TBCD: variants seen among roughly 807,000 people sequenced by gnomAD.
TBCD encodes tubulin-specific chaperone D.
A neutral mutation model predicts 169.3 loss-of-function variants in TBCD; 105 were observed. The ratio of observed to expected loss-of-function variants is 0.62; its 90% CI spans 0.53 to 0.73. The LOEUF is 0.73. Among genes scored for constraint, TBCD ranks in the 30% least tolerant of loss-of-function variants. TBCD has a pLI of 0.00. For missense variants in TBCD, 1,444 were observed against 1,600.1 expected (o/e 0.90, Z 1.66); for synonymous variants, 700 against 643.9 (o/e 1.09, Z -1.32).
At chr17:82,764,114 G>T (rs1348071829) in intron 3 of TBCD, 52 bp downstream of exon 3, 1 of 1,380,524 alleles carries the variant, frequency 7.2e-7, no homozygotes, top group Non-Finnish European at 1.0e-6. Context: ...TAATATACTT[G>T]GTCCAGAGGT....
chr17:82,942,696 T>C lies in TBCD; in HGVS notation c.*233T>C, dbSNP rs1884088833. On this transcript the variant is annotated 3_prime_UTR_variant, in exon 39 of 39. Transcript: ENST00000355528. The stretch of plus-strand genomic sequence containing the variant: ...CAAATGTGCTTCCTATAAAATCATG[T>C]ACCAAGAAGTTCCTGCCTTTTGTCT... 1 of 605,262 alleles carries C rather than the reference T, an allele frequency of 1.7e-6. No individual in the cohort carries two copies. The highest frequency in any genetic ancestry group is 2.9e-6 in the Non-Finnish European group (1 of 340,844). 37.5% of individuals were successfully genotyped at this position (605,262 alleles called of 1,614,324 possible).
rs74000174 is a variant in TBCD, at chr17:82,890,219, C to T, written c.1563+522C>T. 0.028 allele frequency among the ~76,000 whole-genome samples: 4,225 copies of T among 152,250 alleles called. 206 individuals carry two copies. The highest frequency in any genetic ancestry group is 0.096 in the African/African-American group (3,977 of 41,504). On this transcript the variant is annotated intron_variant, in intron 16 of 38. Transcript: ENST00000355528. This position sits in a 1 kb window ranked among gnomAD's most constrained non-coding sequence, Gnocchi z 5.3. Reference sequence around the variant, plus strand: ...GTCAGCTTCGCCTGTGAATGGGGGGCCCCAGGTTACTCATGTTGTGTGTGA... The same window carrying T: ...GTCAGCTTCGCCTGTGAATGGGGGGTCCCAGGTTACTCATGTTGTGTGTGA...
intron 13 of TBCD, among the ~76,000 whole-genome samples, chr17:82,850,372 CCTG>C (rs2055662233): frequency 2.5e-5 from 2 of 80,396 alleles, no homozygotes; most frequent in South Asian, 4.2e-4. Context: ...TGTTGGCTGT[CCTG>C]TTGTTGGCTG....
In TBCD at chr17:82,840,952, TGG is replaced by T. The variant is rs1567869376; in HGVS notation, c.1318+26019_1318+26020del. Among the ~76,000 whole-genome samples the T allele has an allele frequency of 5.3e-4, 15 of 28,478 alleles. 2 individuals carry two copies. Among genetic ancestry groups the T allele is most frequent in the East Asian group, 1.4e-3 (1 of 740 alleles). 18.7% of individuals were successfully genotyped at this position (28,478 alleles called of 152,430 possible). Reference sequence around the variant, plus strand: ...GACGAGCTGGCCAGGACAGACAAACTGGTTTTTTTTTTTTTTTTTTTTTTTTT... The same window carrying T: ...GACGAGCTGGCCAGGACAGACAAACTTTTTTTTTTTTTTTTTTTTTTTTTT... On this transcript the variant is annotated intron_variant, in intron 13 of 38. Transcript: ENST00000355528.
chr17:82,814,156 G>T (rs1346757142), intron 12 of TBCD, among the ~76,000 whole-genome samples: 1 of 152,180 alleles, frequency 6.6e-6, no homozygotes, highest in Non-Finnish European at 1.5e-5. Flanking sequence ...ATCTTGAAAT[G>T]CCAATTCATT....
intron 13 of TBCD, 33 bp downstream of exon 13, chr17:82,814,967 C>G: frequency 6.2e-7 from 1 of 1,608,370 alleles, no homozygotes; most frequent in Non-Finnish European, 8.5e-7. Context: ...GGGGGGATGT[C>G]TGGCGCTGGC....
chr17:82,908,323 G>A, intron 21 of TBCD: 2 of 456,894 alleles, frequency 4.4e-6, no homozygotes, highest in South Asian at 1.5e-5. Flanking sequence ...GGGGTCTGAT[G>A]TCTCCTGAAA....
At chr17:82,872,260 G>T (rs1238900521) in intron 14 of TBCD, among the ~76,000 whole-genome samples, 3 of 152,230 alleles carry the variant, frequency 2.0e-5, no homozygotes, top group Non-Finnish European at 4.4e-5. Flanking sequence ...CGGCTGGAGG[G>T]TGCTGGTGCT....
intron 14 of TBCD, among the ~76,000 whole-genome samples, chr17:82,882,605 C>T (rs556028870): frequency 5.4e-4 from 83 of 152,306 alleles, no homozygotes; most frequent in Non-Finnish European, 7.8e-4. Context: ...GTGCTGTGAA[C>T]CTGGAGAGCA....
At chr17:82,902,283 C>G (rs1387203680) in intron 18 of TBCD, among the ~76,000 whole-genome samples, 1 of 152,184 alleles carries the variant, frequency 6.6e-6, no homozygotes, top group Non-Finnish European at 1.5e-5. Flanking sequence ...TGGTAGATCT[C>G]TGTTCCATAC....
chr17:82,917,366 A>G (rs988164552), intron 23 of TBCD, among the ~76,000 whole-genome samples: 5 of 152,110 alleles, frequency 3.3e-5, no homozygotes, highest in Admixed American at 2.0e-4. Context: ...CGTTAAACGC[A>G]TCCTTGAATT....
chr17:82,828,995 A>C (rs1421848177), intron 13 of TBCD, among the ~76,000 whole-genome samples: 2 of 104,336 alleles, frequency 1.9e-5, no homozygotes, highest in African/African-American at 3.7e-5. Context: ...ACCCACCCCC[A>C]CAATCACGTG....
chr17:82,912,562 C>T (rs1025330536), intron 23 of TBCD, among the ~76,000 whole-genome samples: 3 of 152,228 alleles, frequency 2.0e-5, no homozygotes, highest in African/African-American at 4.8e-5. Flanking sequence ...CTCAGCCCCT[C>T]GCTGTGGGAC....
chr17:82,755,646 A>T (rs1308755965), intron 1 of TBCD, among the ~76,000 whole-genome samples: 1 of 152,154 alleles, frequency 6.6e-6, no homozygotes, highest in East Asian at 1.9e-4. Flanking sequence ...CCTTAATATC[A>T]TGAGGCCTGA....
At chr17:82,811,291 C>CA (rs1351389515) in intron 12 of TBCD, among the ~76,000 whole-genome samples, 4 of 152,240 alleles carry the variant, frequency 2.6e-5, no homozygotes, top group African/African-American at 9.6e-5. Context: ...GCCTGCTCAT[C>CA]AGGCCTAGTG....
At position 82,833,313 on chromosome 17, in the gene TBCD, C is replaced by A. The variant is rs967775266; in HGVS notation, c.1318+18379C>A. On this transcript the variant is annotated intron_variant, in intron 13 of 38. Coordinates refer to ENST00000355528, the MANE Select transcript of TBCD (RefSeq NM_005993.5). This position sits in a 1 kb window ranked among gnomAD's most constrained non-coding sequence, Gnocchi z 4.7. ...CCAAGACCATGGATGCTGCTGCCTC[C>A]CCTGGGGCCGATCCCTAAGCACTCG... Among the ~76,000 whole-genome samples, 15 of 152,240 alleles carry A rather than the reference C, an allele frequency of 9.9e-5. No individual in the cohort carries two copies. The highest frequency in any genetic ancestry group is 2.2e-4 in the Non-Finnish European group (15 of 68,010).
chr17:82,848,664 T>G (rs1420067699), intron 13 of TBCD, among the ~76,000 whole-genome samples: 2 of 152,126 alleles, frequency 1.3e-5, no homozygotes, highest in East Asian at 3.8e-4. Context: ...AAATTAGCAC[T>G]CAGATCTTCT....
chr17:82,774,142 C>T (rs187481139), intron 6 of TBCD, among the ~76,000 whole-genome samples: 8 of 150,844 alleles, frequency 5.3e-5, no homozygotes, highest in Admixed American at 4.6e-4. Context: ...GAGGGAAGGT[C>T]GCAGATAAAC....
At chr17:82,886,797 G>A (rs2058746106) in intron 15 of TBCD, among the ~76,000 whole-genome samples, 1 of 149,164 alleles carries the variant, frequency 6.7e-6, no homozygotes, top group Non-Finnish European at 1.5e-5. Context: ...AGCCTCCCGA[G>A]TAGCTGGGAT....
Sources: allele counts gnomAD v4.1 joint callset (sites outside exome capture counted in the v4.1 genomes callset), GRCh38; gene constraint gnomAD v4.1.1; non-coding constraint Gnocchi (gnomAD v3.1); transcripts MANE v1.5; gene names NCBI Gene and HGNC (gene_info 2026-07-23, HGNC 2026-07-21).